ROBO2: variants seen among roughly 807,000 people sequenced by gnomAD.
The protein encoded by ROBO2 is roundabout guidance receptor 2.
Under a neutral mutation model 160.8 loss-of-function variants are expected in ROBO2, and 53 were observed. The observed-to-expected ratio is 0.33, with a 90% confidence interval of 0.26 to 0.41. ROBO2 has a LOEUF of 0.41. Ranked by LOEUF, ROBO2 falls within the 10% of genes least tolerant of loss-of-function variation. The pLI, the probability that ROBO2 is intolerant of heterozygous loss-of-function variation, is 1.00. For missense variants in ROBO2, 1,577 were observed against 1,722.4 expected (o/e 0.92, Z 1.49); for synonymous variants, 664 against 611.7 (o/e 1.09, Z -1.26).
intron 2 of ROBO2, among the ~76,000 whole-genome samples, chr3:76,916,713 G>T (rs577999382): frequency 1.8e-4 from 28 of 151,952 alleles, no homozygotes; most frequent in Non-Finnish European, 3.8e-4. Flanking sequence ...ATTAATAAAA[G>T]GAGTAAAATC....
chr3:76,998,876 T>C (rs1342710893), intron 2 of ROBO2, among the ~76,000 whole-genome samples: 1 of 152,172 alleles, frequency 6.6e-6, no homozygotes, highest in Non-Finnish European at 1.5e-5. Context: ...AACATTTTTA[T>C]TTGCTTAGTA....
At chr3:77,259,445 A>G (rs527585731) in intron 2 of ROBO2, among the ~76,000 whole-genome samples, 3 of 152,360 alleles carry the variant, frequency 2.0e-5, no homozygotes, top group African/African-American at 7.2e-5. Flanking sequence ...AAATAAAAAT[A>G]TTATGTATTT....
At chr3:76,897,412 C>T (rs1262169452) in intron 2 of ROBO2, among the ~76,000 whole-genome samples, 1 of 151,942 alleles carries the variant, frequency 6.6e-6, no homozygotes, top group Non-Finnish European at 1.5e-5. Context: ...ATGTTTAAGA[C>T]ACAGGAGGAT....
chr3:76,272,980 T>TATATAATATATATTATATATAATATATAA (rs1707654080), intron 2 of ROBO2, among the ~76,000 whole-genome samples: 1 of 66,178 alleles, frequency 1.5e-5, no homozygotes, highest in Non-Finnish European at 2.6e-5. Context: ...AAAATATATA[T>TATATAATATATATTATATATAATATATAA]AATATATAAT....
intron 2 of ROBO2, among the ~76,000 whole-genome samples, chr3:76,081,988 G>C (rs898393331): frequency 3.9e-5 from 6 of 151,998 alleles, no homozygotes; most frequent in African/African-American, 1.4e-4. Context: ...ACAGATTTTT[G>C]TGACTGGCAA....
At chr3:76,289,054 C>G (rs778808036) in intron 2 of ROBO2, among the ~76,000 whole-genome samples, 6 of 152,118 alleles carry the variant, frequency 3.9e-5, no homozygotes, top group Non-Finnish European at 7.4e-5. Flanking sequence ...GTTTTAAGAT[C>G]TTTAAGAAAT....
At chr3:76,630,232 C>T (rs1049150914) in intron 2 of ROBO2, among the ~76,000 whole-genome samples, 2 of 152,132 alleles carry the variant, frequency 1.3e-5, no homozygotes, top group East Asian at 1.9e-4. Flanking sequence ...TAGGTATCTA[C>T]GTCGTTCATG....
At chr3:77,528,624 T>C (rs1307178807) in intron 6 of ROBO2, among the ~76,000 whole-genome samples, 1 of 151,680 alleles carries the variant, frequency 6.6e-6, no homozygotes, top group Non-Finnish European at 1.5e-5. Context: ...GAGAGAATAA[T>C]ACTGACTTAT....
At chr3:76,391,197 G>C (rs1486027287) in intron 2 of ROBO2, among the ~76,000 whole-genome samples, 1 of 151,876 alleles carries the variant, frequency 6.6e-6, no homozygotes, top group Admixed American at 6.6e-5. Flanking sequence ...GTTTCTCAAC[G>C]ATCAAACAGG....
At chr3:77,118,224 A>T (rs1314313281) in intron 2 of ROBO2, among the ~76,000 whole-genome samples, 1 of 152,164 alleles carries the variant, frequency 6.6e-6, no homozygotes, top group Admixed American at 6.6e-5. Flanking sequence ...CTCTCCTTTG[A>T]TATCTCAGAG....
intron 2 of ROBO2, among the ~76,000 whole-genome samples, chr3:77,454,495 G>C (rs2081420945): frequency 6.6e-6 from 1 of 152,084 alleles, no homozygotes; most frequent in Admixed American, 6.5e-5. Flanking sequence ...ATACATTTGA[G>C]GCAGAAAGTT....
At chr3:76,478,680 G>GTTTTTTT (rs1042265916) in intron 2 of ROBO2, among the ~76,000 whole-genome samples, 1 of 120,924 alleles carries the variant, frequency 8.3e-6, no homozygotes. Context: ...TTTTTTCTCT[G>GTTTTTTT]TTTTTTTTTT....
intron 2 of ROBO2, among the ~76,000 whole-genome samples, chr3:76,894,562 T>C (rs958367650): frequency 1.3e-5 from 2 of 152,142 alleles, no homozygotes; most frequent in African/African-American, 4.8e-5. Flanking sequence ...TTGCTTGTCA[T>C]TGGTAGTATT....
chr3:77,476,201 C>CAA (rs1183201475), intron 2 of ROBO2, among the ~76,000 whole-genome samples: 1 of 152,142 alleles, frequency 6.6e-6, no homozygotes, highest in Non-Finnish European at 1.5e-5. Context: ...AACCTACAGA[C>CAA]TTGGCACAAC....
chr3:76,272,376 A>G (rs575522911), intron 2 of ROBO2, among the ~76,000 whole-genome samples: 2 of 152,064 alleles, frequency 1.3e-5, no homozygotes, highest in South Asian at 4.1e-4. Flanking sequence ...TTAAAAATAT[A>G]TTTCTGGGCT....
intron 2 of ROBO2, among the ~76,000 whole-genome samples, chr3:76,521,543 T>C (rs905916842): frequency 7.9e-5 from 12 of 152,176 alleles, no homozygotes; most frequent in Non-Finnish European, 1.6e-4. Flanking sequence ...TTTTATTTAC[T>C]AAATATCATG....
At chr3:77,561,793 A>G (rs1433644550) in intron 9 of ROBO2, among the ~76,000 whole-genome samples, 2 of 152,072 alleles carry the variant, frequency 1.3e-5, no homozygotes, top group Admixed American at 1.3e-4. Flanking sequence ...TTAAATGAAG[A>G]AGTTTACCTT....
intron 2 of ROBO2, among the ~76,000 whole-genome samples, chr3:76,504,519 C>CTTTTTTT (rs57591523): frequency 1.4e-5 from 1 of 73,520 alleles, no homozygotes; most frequent in Non-Finnish European, 2.4e-5. Flanking sequence ...AGAAAATACT[C>CTTTTTTT]TTTTTTTTTT....
chr3:77,620,505 C>T (rs1432222770), intron 22 of ROBO2, among the ~76,000 whole-genome samples: 1 of 152,172 alleles, frequency 6.6e-6, no homozygotes, highest in Non-Finnish European at 1.5e-5. Context: ...CATCTATCCT[C>T]AAGCTTTTCT....
Sources: allele counts gnomAD v4.1 joint callset (sites outside exome capture counted in the v4.1 genomes callset), GRCh38; gene constraint gnomAD v4.1.1; transcripts MANE v1.5; gene names NCBI Gene and HGNC (gene_info 2026-07-23, HGNC 2026-07-21).